Variants in CAPN9 observed in about 807,000 individuals in gnomAD.
CAPN9 encodes the protein calpain-9.
A neutral mutation model predicts 92.8 loss-of-function variants in CAPN9; 81 were observed. The ratio of observed to expected loss-of-function variants is 0.87; its 90% CI spans 0.73 to 1.05. The LOEUF (loss-of-function observed/expected upper bound fraction) is 1.05, where lower values mean the gene tolerates loss of function less well. CAPN9 is among the 50% of genes least tolerant of loss of function. The pLI is 0.00. For synonymous variants in CAPN9, 304 were observed against 328.0 expected, an observed-to-expected ratio of 0.93 and a Z score of 0.79; for missense variants, 848 against 866.2, an observed-to-expected ratio of 0.98 and a Z score of 0.26.
intron 2 of CAPN9, among the ~76,000 whole-genome samples, chr1:230,759,075 TGA>T (rs1396867240): frequency 6.6e-6 from 1 of 152,208 alleles, no homozygotes; most frequent in Non-Finnish European, 1.5e-5. Context: ...GTAATTAAGC[TGA>T]GTCTGGGTTG....
chr1:230,777,652 C>G (rs192763676), intron 8 of CAPN9, among the ~76,000 whole-genome samples: 213 of 152,260 alleles, frequency 1.4e-3, no homozygotes, highest in African/African-American at 5.0e-3. Context: ...ACTCTCTCGA[C>G]TCCACTCAGC....
chr1:230,791,816 G>C, intron 14 of CAPN9, 48 bp from the exon 15 acceptor site: 4 of 1,497,152 alleles, frequency 2.7e-6, no homozygotes, highest in Non-Finnish European at 3.7e-6. Flanking sequence ...GGGTACATAG[G>C]TTTATCTTAT....
chr1:230,755,494 A>T, intron 2 of CAPN9, 88 bp downstream of exon 2: 1 of 1,005,516 alleles, frequency 9.9e-7, no homozygotes, highest in East Asian at 2.6e-5. Context: ...CTGAGGACCC[A>T]AGAGGCACGG....
chr1:230,747,766 G>C (rs1015267849), intron 1 of CAPN9, 57 bp downstream of exon 1: 15 of 1,504,458 alleles, frequency 1.0e-5, no homozygotes, highest in Non-Finnish European at 1.4e-5. Context: ...AGCAGCCCCC[G>C]CAGGAAGTGG....
chr1:230,762,816 C>G, intron 4 of CAPN9, 30 bp downstream of exon 4: 6 of 1,608,308 alleles, frequency 3.7e-6, no homozygotes, highest in Non-Finnish European at 5.1e-6. Context: ...GCTCAGGCAG[C>G]CTCCCGACAG....
At position 230,751,535 on chromosome 1, in the gene CAPN9, AAGAT is replaced by A. The variant is rs369207411; in HGVS notation, c.214-3798_214-3795del. ...GGAAGGAAGGAGAGAAAGAGAAAGA[AAGAT>A]AGAAAAAAAGAAAGGAAGAAGAGAA... On this transcript the variant is annotated intron_variant, in intron 1 of 19. Transcript: ENST00000271971. Among the ~76,000 whole-genome samples the A allele has an allele frequency of 1.1e-3, 148 of 133,062 alleles. 1 individual carries two copies. The highest frequency in any genetic ancestry group is 3.4e-3 in the African/African-American group (130 of 38,004). The allele number at this position is 133,062 out of a possible 152,430, so 87.3% of individuals were successfully genotyped here.
intron 2 of CAPN9, 149 bp downstream of exon 2, chr1:230,755,555 T>C: frequency 1.7e-6 from 1 of 594,256 alleles, no homozygotes; most frequent in Non-Finnish European, 3.0e-6. Flanking sequence ...TCCCTCTGAA[T>C]GGAGTCCAGT....
Position 230,780,498 on chromosome 1 carries a change from A to G in CAPN9, c.1273-2A>G. 1 of 1,613,946 alleles carries G rather than the reference A, an allele frequency of 6.2e-7. No individual in the cohort carries two copies. The highest frequency in any genetic ancestry group is 1.7e-5 in the Admixed American group (1 of 60,006). ...AACCCCTCCCTTTCTTGCCCATTGC[A>G]GTGCCCTGACAAAGACGAACACCTG... On this transcript the variant is annotated splice_acceptor_variant, in intron 10 of 19. Coordinates refer to ENST00000271971, the MANE Select transcript of CAPN9 (RefSeq NM_006615.3). LOFTEE classifies it high-confidence loss of function.
At chr1:230,797,825 G>A (rs1037269266) in intron 18 of CAPN9, among the ~76,000 whole-genome samples, 1 of 152,188 alleles carries the variant, frequency 6.6e-6, no homozygotes, top group Non-Finnish European at 1.5e-5. Context: ...ACGTGCGTGT[G>A]CTTTTTTTCT....
In CAPN9 at chr1:230,780,182, C is replaced by CCTT; in HGVS notation, c.1119_1121dup (p.Phe374dup). ...ATCTACCTCTCCCAAATGACAGATACCTTTTGGACCAATCCACAAATAAAA... is the reference window on the plus strand; with the variant it reads ...ATCTACCTCTCCCAAATGACAGATACCTTCTTTTGGACCAATCCACAAATAAAA... On this transcript the variant is annotated inframe_insertion, in exon 10 of 20. Transcript: ENST00000271971. The CCTT allele has an allele frequency of 6.2e-7, 1 of 1,606,998 alleles. No homozygotes were observed. Among genetic ancestry groups the CCTT allele is most frequent in the Non-Finnish European group, 8.5e-7 (1 of 1,176,730 alleles).
intron 2 of CAPN9, among the ~76,000 whole-genome samples, chr1:230,758,800 TA>T (rs1665422540): frequency 6.6e-6 from 1 of 152,092 alleles, no homozygotes. Flanking sequence ...GATATCTGCT[TA>T]CACAGGCGGC....
intron 15 of CAPN9, 23 bp from the exon 16 acceptor site, chr1:230,792,403 C>T (rs1240296820): frequency 2.5e-6 from 4 of 1,608,126 alleles, no homozygotes; most frequent in Non-Finnish European, 3.4e-6. Flanking sequence ...CTGCTCATGT[C>T]TCCCTTAACC....
At chr1:230,787,231 G>A (rs181322390) in intron 12 of CAPN9, among the ~76,000 whole-genome samples, 3 of 152,342 alleles carry the variant, frequency 2.0e-5, no homozygotes, top group Non-Finnish European at 4.4e-5. Context: ...CAGGAAGCAT[G>A]AAAATCCAAT....
intron 11 of CAPN9, among the ~76,000 whole-genome samples, chr1:230,784,365 G>A (rs1259785053): frequency 6.6e-6 from 1 of 152,202 alleles, no homozygotes; most frequent in Non-Finnish European, 1.5e-5. Context: ...AGGCCTCAAA[G>A]GCATTTTAGA....
chr1:230,764,510 C>T (rs939816154), intron 4 of CAPN9, among the ~76,000 whole-genome samples: 1 of 152,128 alleles, frequency 6.6e-6, no homozygotes, highest in African/African-American at 2.4e-5. Context: ...TCTTGGCGTC[C>T]GTAACTATGA....
chr1:230,749,719 A>T (rs1401711022), intron 1 of CAPN9, among the ~76,000 whole-genome samples: 3 of 152,158 alleles, frequency 2.0e-5, no homozygotes, highest in Non-Finnish European at 2.9e-5. Context: ...TGGGGACAAT[A>T]ATGCAACTTA....
chr1:230,780,222 G>C lies in CAPN9; in HGVS notation c.1158G>C (p.Glu386Asp). The change falls in exon 10 of 20, where the codon GAG (glutamate) becomes GAC (aspartate). Residue 386 changes from glutamate (E) to aspartate (D), a missense_variant. Physicochemically the swap from Glu to Asp is conservative, Grantham distance 45. Transcript: ENST00000271971. ...TNPQIKLSLT[E>D]KDEGQEECSF... The stretch of plus-strand genomic sequence containing the variant: ...CACAAATAAAATTGTCTCTGACTGA[G>C]AAAGATGAGGGGCAGGAGGAGTGTA... 1 of 1,614,004 alleles carries C rather than the reference G, an allele frequency of 6.2e-7. No individual in the cohort carries two copies. The highest frequency in any genetic ancestry group is 8.5e-7 in the Non-Finnish European group (1 of 1,179,930).
intron 1 of CAPN9, among the ~76,000 whole-genome samples, chr1:230,754,419 T>TAC (rs66500463): frequency 6.6e-6 from 1 of 151,608 alleles, no homozygotes; most frequent in Non-Finnish European, 1.5e-5. Flanking sequence ...AATATATATA[T>TAC]AATGCACTTC....
chr1:230,772,455 G>A (rs6541336), intron 7 of CAPN9, among the ~76,000 whole-genome samples: 49,267 of 151,060 alleles, frequency 0.33, 8,276 homozygotes, highest in South Asian at 0.49. Flanking sequence ...ATATGCATAA[G>A]TGCGTGTGTG....
Sources: gnomAD v4.1 joint callset for allele counts (sites outside exome capture counted in the v4.1 genomes callset) on GRCh38, gnomAD v4.1.1 for gene constraint, MANE v1.5 for transcripts, NCBI Gene and HGNC (gene_info 2026-07-23, HGNC 2026-07-21) for gene names.